The following RNF220 variants were observed in gnomAD, a reference collection of about 807,000 sequenced individuals.
The protein encoded by RNF220 is E3 ubiquitin-protein ligase RNF220.
A neutral mutation model predicts 67.1 loss-of-function variants in RNF220; 7 were observed. That is an observed-to-expected ratio of 0.10 (90% CI 0.06 to 0.20). RNF220 has a LOEUF of 0.20. RNF220 is among the 10% of genes least tolerant of loss of function. The pLI is 1.00. For missense variants in RNF220, 565 were observed against 740.3 expected, an observed-to-expected ratio of 0.76 and a Z score of 2.75; for synonymous variants, 270 against 283.2, an observed-to-expected ratio of 0.95 and a Z score of 0.47.
At chr1:44,454,116 C>A (rs1027008971) in intron 2 of RNF220, among the ~76,000 whole-genome samples, 1 of 152,164 alleles carries the variant, frequency 6.6e-6, no homozygotes, top group African/African-American at 2.4e-5. Context: ...TCTCAGGGAT[C>A]TTCACATATC....
At chr1:44,629,873 G>C (rs1435624307) in intron 5 of RNF220, among the ~76,000 whole-genome samples, 5 of 152,178 alleles carry the variant, frequency 3.3e-5, no homozygotes, top group African/African-American at 1.2e-4. Flanking sequence ...AGAGAACATA[G>C]AGGTGTAACA....
At chr1:44,543,510 G>C (rs1480501410) in intron 2 of RNF220, among the ~76,000 whole-genome samples, 2 of 152,010 alleles carry the variant, frequency 1.3e-5, no homozygotes, top group African/African-American at 2.4e-5. Flanking sequence ...TTTTCTTTGG[G>C]GACTGATCCT....
chr1:44,637,693 C>G lies in RNF220; in HGVS notation c.1126+1531C>G, dbSNP rs117942875. Among the ~76,000 whole-genome samples the G allele has an allele frequency of 3.6e-3, 554 of 152,378 alleles. 5 individuals are homozygous for G. Among genetic ancestry groups the G allele is most frequent in the African/African-American group, 0.012 (492 of 41,596 alleles). ...TCCCCTGTGCCGGGATGCACTTGCA[C>G]AGCAGTGTGAGGGGCTCTTAGGCCC... On this transcript the variant is annotated intron_variant, in intron 8 of 14. Transcript: ENST00000361799.
intron 2 of RNF220, among the ~76,000 whole-genome samples, chr1:44,560,637 C>G (rs1215908515): frequency 6.6e-6 from 1 of 152,230 alleles, no homozygotes; most frequent in Non-Finnish European, 1.5e-5. Flanking sequence ...TCTCTGCTCA[C>G]TGCAACCACA....
intron 2 of RNF220, among the ~76,000 whole-genome samples, chr1:44,532,492 T>G (rs1184150347): frequency 6.6e-6 from 1 of 152,246 alleles, no homozygotes; most frequent in Non-Finnish European, 1.5e-5. Context: ...GGTTTATTCC[T>G]TATTAAAACT....
At chr1:44,647,911 C>T (rs1294084957) in intron 12 of RNF220, among the ~76,000 whole-genome samples, 1 of 152,236 alleles carries the variant, frequency 6.6e-6, no homozygotes, top group Non-Finnish European at 1.5e-5. Context: ...GAAACCTGAG[C>T]TGTTCGTACC....
chr1:44,563,003 C>T (rs192153666), intron 2 of RNF220, among the ~76,000 whole-genome samples: 72 of 152,322 alleles, frequency 4.7e-4, no homozygotes, highest in African/African-American at 1.6e-3. Flanking sequence ...GAACAATAGA[C>T]ACTACCCTGT....
At chr1:44,598,253 T>C (rs1666673469) in intron 2 of RNF220, among the ~76,000 whole-genome samples, 1 of 152,154 alleles carries the variant, frequency 6.6e-6, no homozygotes, top group Non-Finnish European at 1.5e-5. Flanking sequence ...CCCCAGGTCA[T>C]GAGCAGCAGC....
At chr1:44,567,733 G>A (rs892651700) in intron 2 of RNF220, among the ~76,000 whole-genome samples, 3 of 152,036 alleles carry the variant, frequency 2.0e-5, no homozygotes, top group African/African-American at 2.4e-5. Flanking sequence ...TCATTCATTC[G>A]CTTGCTCACT....
chr1:44,499,130 C>A (rs1657605584), intron 2 of RNF220, among the ~76,000 whole-genome samples: 1 of 152,206 alleles, frequency 6.6e-6, no homozygotes, highest in East Asian at 1.9e-4. Flanking sequence ...TCTCACCTAA[C>A]TTCTTTCCTA....
chr1:44,557,247 G>A (rs1316577281), intron 2 of RNF220, among the ~76,000 whole-genome samples: 3 of 149,602 alleles, frequency 2.0e-5, no homozygotes, highest in East Asian at 3.9e-4. Flanking sequence ...TTGGCTGGGC[G>A]AGGTGACTCA....
intron 1 of RNF220, among the ~76,000 whole-genome samples, chr1:44,410,197 C>G (rs1647827410): frequency 6.6e-6 from 1 of 152,150 alleles, no homozygotes; most frequent in African/African-American, 2.4e-5. Flanking sequence ...TTTCTTTTCT[C>G]CAGTTTTCCT....
intron 2 of RNF220, among the ~76,000 whole-genome samples, chr1:44,432,652 C>T (rs570340765): frequency 1.2e-3 from 184 of 152,212 alleles, no homozygotes; most frequent in African/African-American, 4.1e-3. Flanking sequence ...TTATAGTACA[C>T]TACAACCTCA....
intron 2 of RNF220, among the ~76,000 whole-genome samples, chr1:44,528,693 C>T (rs574457480): frequency 4.6e-4 from 69 of 150,132 alleles, no homozygotes; most frequent in Non-Finnish European, 2.4e-4. Context: ...TGGCTTACTG[C>T]AACCTCCACC....
At chr1:44,568,661 G>A (rs1664206647) in intron 2 of RNF220, among the ~76,000 whole-genome samples, 1 of 152,228 alleles carries the variant, frequency 6.6e-6, no homozygotes, top group Non-Finnish European at 1.5e-5. Flanking sequence ...GCCCAGGCCA[G>A]GAATCAGCGG....
At chr1:44,533,978 C>T (rs1661018608) in intron 2 of RNF220, among the ~76,000 whole-genome samples, 1 of 152,128 alleles carries the variant, frequency 6.6e-6, no homozygotes, top group Non-Finnish European at 1.5e-5. Flanking sequence ...AGAGTCTGAA[C>T]TTGATTATTT....
At position 44,627,344 on chromosome 1, in the gene RNF220, C is replaced by CAA. The variant is rs35722890; in HGVS notation, c.906+971_906+972dup. 2.0e-3 allele frequency among the ~76,000 whole-genome samples: 85 copies of CAA among 42,264 alleles called. 6 individuals carry two copies. The highest frequency in any genetic ancestry group is 0.018 in the East Asian group (19 of 1,068). 27.7% of individuals were successfully genotyped at this position (42,264 alleles called of 152,430 possible). A position where few individuals can be genotyped will look rare whatever the true frequency, so the allele number is the denominator to read the frequency against. On this transcript the variant is annotated intron_variant, in intron 5 of 14. Transcript: ENST00000361799. ...TGGGTGACAGAGCAAGACTCCGTCT[C>CAA]AAAAAAAAAAAAAAAAAAAAAAAAA...
At chr1:44,496,886 C>T (rs767568794) in intron 2 of RNF220, among the ~76,000 whole-genome samples, 2 of 152,196 alleles carry the variant, frequency 1.3e-5, no homozygotes, top group Admixed American at 6.5e-5. Context: ...CTGGGGCAGA[C>T]AGTGTGAGAG....
chr1:44,521,237 T>C (rs1279973509), intron 2 of RNF220, among the ~76,000 whole-genome samples: 1 of 152,146 alleles, frequency 6.6e-6, no homozygotes, highest in African/African-American at 2.4e-5. Flanking sequence ...GATCTAAAAC[T>C]TTAGCTGCCC....
Sources: allele counts gnomAD v4.1 joint callset (sites outside exome capture counted in the v4.1 genomes callset), GRCh38; gene constraint gnomAD v4.1.1; transcripts MANE v1.5; gene names NCBI Gene and HGNC (gene_info 2026-07-23, HGNC 2026-07-21).